The following TEAD2 variants were observed in gnomAD, a reference collection of about 807,000 sequenced individuals.
TEAD2 encodes the protein TEA domain transcription factor 2, also known as transcriptional enhancer factor TEF-4.
In TEAD2, 51 loss-of-function variants were observed where a neutral mutation model predicts 61.4. The observed-to-expected ratio is 0.83, with a 90% CI of 0.66 to 1.05. The LOEUF (loss-of-function observed/expected upper bound fraction) is 1.05. TEAD2 is among the 50% of genes least tolerant of loss of function. TEAD2 has a pLI of 0.00. For missense variants in TEAD2, 509 were observed against 600.0 expected (o/e 0.85, Z 1.58); for synonymous variants, 244 against 243.2 (o/e 1.00, Z -0.03).
chr19:49,355,499 G>A, intron 5 of TEAD2, 80 bp from the exon 6 acceptor site: 1 of 1,235,726 alleles, frequency 8.1e-7, no homozygotes, highest in Admixed American at 1.9e-5. Context: ...AGGGTGGGGT[G>A]AAGACGGGGA....
At chr19:49,342,343 T>C (rs1971346280) in intron 12 of TEAD2, 95 bp downstream of exon 12, 3 of 1,501,988 alleles carry the variant, frequency 2.0e-6, no homozygotes, top group Non-Finnish European at 2.7e-6. Context: ...GCTGTGTCAG[T>C]TCCTGGGTGA....
At chr19:49,348,945 CTAAA>C in intron 8 of TEAD2, 100 bp from the exon 9 acceptor site, 1 of 1,397,760 alleles carries the variant, frequency 7.2e-7, no homozygotes, top group South Asian at 1.6e-5. Flanking sequence ...GCTGAAAAAG[CTAAA>C]TACTCACTTT....
At chr19:49,352,324 T>C (rs2146472400) in intron 7 of TEAD2, among the ~76,000 whole-genome samples, 2 of 152,298 alleles carry the variant, frequency 1.3e-5, no homozygotes, top group African/African-American at 4.8e-5. Context: ...TAATTTTATT[T>C]AATTTTAATT....
rs761306860 is a variant in TEAD2 at position 49,357,299 on chromosome 19, G to C, written c.313C>G (p.Gln105Glu). ...RTRKQVSSHI[Q>E]VLARRKSREI... Reference sequence around the variant, plus strand: ...CTTGATTTCCTTCGGGCCAAAACCTGGATGTGACTAGAAACCTGGAAGGAT... The same window carrying C: ...CTTGATTTCCTTCGGGCCAAAACCTCGATGTGACTAGAAACCTGGAAGGAT... Residue 105 changes from glutamine to glutamate, a missense_variant, in exon 4 of 13, where the codon CAG becomes GAG. By Grantham distance (29) the Gln-to-Glu change is conservative. Coordinates refer to ENST00000593945, the MANE Select transcript of TEAD2 (RefSeq NM_001256660.2). The C allele has an allele frequency of 6.2e-7, 1 of 1,613,558 alleles. No individual in the cohort carries two copies. The highest frequency in any genetic ancestry group is 1.1e-5 in the South Asian group (1 of 91,022).
At position 49,355,181 on chromosome 19, in the gene TEAD2, G is replaced by C; in HGVS notation, c.506C>G (p.Ser169Cys). 1 of 1,612,316 alleles carries C rather than the reference G, an allele frequency of 6.2e-7. No individual in the cohort carries two copies. The highest frequency in any genetic ancestry group is 8.5e-7 in the Non-Finnish European group (1 of 1,179,122). The change falls in exon 7 of 13, where the codon TCT becomes TGT. Residue 169 changes from serine (S) to cysteine (C), a missense_variant. Coordinates refer to ENST00000593945, the MANE Select transcript of TEAD2 (RefSeq NM_001256660.2). ...PQASELFQFW[S>C]GGSGPPWNVP... ...ATTCCAGGGGGGCCCAGATCCTCCA[G>C]ACCAAAACTGGAAAAGCTCAGAGGC...
Position 49,359,886 on chromosome 19 carries a change from C to T in TEAD2, c.190G>A (p.Gly64Ser), listed in dbSNP as rs376617930. Residue 64 changes from glycine (G) to serine (S), a missense_variant, in exon 2 of 13, where the codon GGC becomes AGC. Coordinates refer to ENST00000593945, the MANE Select transcript of TEAD2 (RefSeq NM_001256660.2). The surrounding 1 kb of genome is among the most constrained non-coding windows in gnomAD (Gnocchi z 4.1). ...TCAGACAAAATTATTTTCCGGCGGCCGCAGGGTGGATAGATGGCCAGGGCC... is the reference window on the plus strand; with the variant it reads ...TCAGACAAAATTATTTTCCGGCGGCTGCAGGGTGGATAGATGGCCAGGGCC... ...QEALAIYPPC[G>S]RRKIILSDEG... 62 of 1,613,646 alleles carry T rather than the reference C, an allele frequency of 3.8e-5. No individual in the cohort carries two copies. Among genetic ancestry groups the T allele is most frequent in the Non-Finnish European group, 5.2e-5 (61 of 1,180,032 alleles).
chr19:49,362,317 AC>A lies in TEAD2; in HGVS notation c.-7+15del, dbSNP rs1284441777. 3 of 151,640 alleles carry A rather than the reference AC, an allele frequency of 2.0e-5. No individual in the cohort carries two copies. Among genetic ancestry groups the A allele is most frequent in the Non-Finnish European group, 4.4e-5 (3 of 67,994 alleles). The allele number at this position is 151,640 out of a possible 1,614,324, so 9.4% of individuals were successfully genotyped here. ...CTCACCTCCTAAGAAGCAACTCCCC[AC>A]CCCAACTCACACACCCCAAAGCAGG... On this transcript the variant is annotated intron_variant, in intron 1 of 12. Transcript: ENST00000593945.
chr19:49,342,345 C>G, intron 12 of TEAD2, 93 bp downstream of exon 12: 1 of 1,507,710 alleles, frequency 6.6e-7, no homozygotes, highest in South Asian at 1.2e-5. Flanking sequence ...TGTGTCAGTT[C>G]CTGGGTGAGG....
At chr19:49,352,084 G>C (rs541379021) in intron 7 of TEAD2, among the ~76,000 whole-genome samples, 2 of 138,162 alleles carry the variant, frequency 1.4e-5, no homozygotes, top group South Asian at 4.8e-4. Context: ...AGGCTGAGGG[G>C]TTGGGAGGGT....
chr19:49,345,699 A>G (rs953108383), intron 10 of TEAD2, among the ~76,000 whole-genome samples: 3 of 152,050 alleles, frequency 2.0e-5, no homozygotes, highest in African/African-American at 7.2e-5. Context: ...CTTTGTTACT[A>G]TAAGAACTAG....
At chr19:49,351,426 T>C (rs1972017368) in intron 7 of TEAD2, 61 bp from the exon 8 acceptor site, 3 of 1,498,994 alleles carry the variant, frequency 2.0e-6, no homozygotes, top group South Asian at 1.2e-5. Flanking sequence ...CACCAGCAAA[T>C]GTTTACTGAG....
chr19:49,356,255 C>T (rs1036212217), intron 4 of TEAD2: 11 of 328,710 alleles, frequency 3.3e-5, no homozygotes, highest in Middle Eastern at 7.9e-4. Flanking sequence ...TCAGAGCCAG[C>T]GGGAAGACAA....
At chr19:49,344,990 C>T (rs915075983) in intron 10 of TEAD2, among the ~76,000 whole-genome samples, 13 of 152,162 alleles carry the variant, frequency 8.5e-5, no homozygotes, top group African/African-American at 3.1e-4. Context: ...GTGCCAGGTC[C>T]GTCTTCTCAG....
intron 5 of TEAD2, 142 bp downstream of exon 5, chr19:49,355,817 C>T: frequency 1.4e-6 from 1 of 726,490 alleles, no homozygotes; most frequent in Non-Finnish European, 2.0e-6. Flanking sequence ...CAGAGCAAGA[C>T]CCTGTCTCCA....
At chr19:49,357,455 G>T (rs1222819705) in intron 3 of TEAD2, 141 bp from the exon 4 acceptor site, 1 of 879,024 alleles carries the variant, frequency 1.1e-6, no homozygotes, top group Non-Finnish European at 1.8e-6. Context: ...GCCATCTCGG[G>T]AGCACCCGAA....
chr19:49,346,756 G>T (rs2146356262), intron 10 of TEAD2, among the ~76,000 whole-genome samples: 1 of 152,320 alleles, frequency 6.6e-6, no homozygotes, highest in East Asian at 1.9e-4. Context: ...CTAGCAACAA[G>T]GTCTGGTGAA....
chr19:49,356,993 G>A (rs377463764), intron 4 of TEAD2, among the ~76,000 whole-genome samples: 3 of 147,684 alleles, frequency 2.0e-5, no homozygotes, highest in East Asian at 4.0e-4. Flanking sequence ...TCTGTCTATG[G>A]GTCTCTGTCC....
rs1971491106 is a variant in TEAD2, at chr19:49,344,257, G to C, written c.922-859C>G. On this transcript the variant is annotated intron_variant, in intron 10 of 12. Coordinates refer to ENST00000593945, the MANE Select transcript of TEAD2 (RefSeq NM_001256660.2). Reference sequence around the variant, plus strand: ...CCCTGTCTCCCCAGTAACCAAAGGAGCCCTGGAATTCAATTTCAACCTTTT... The same window carrying C: ...CCCTGTCTCCCCAGTAACCAAAGGACCCCTGGAATTCAATTTCAACCTTTT... Among the ~76,000 whole-genome samples, 3 of 151,814 alleles carry C rather than the reference G, an allele frequency of 2.0e-5. No homozygotes were observed. The South Asian group carries it at 6.2e-4, about 32-fold the overall frequency.
Position 49,348,703 on chromosome 19 carries a change from A to C in TEAD2, c.747T>G (p.Ser249=). 1 of 1,614,074 alleles carries C rather than the reference A, an allele frequency of 6.2e-7. No homozygotes were observed. The highest frequency in any genetic ancestry group is 8.5e-7 in the Non-Finnish European group (1 of 1,179,960). ...GCGACTGTACCAAAATTTCACTCAC[A>C]GAATCAACTGCATCTGGCGGTTCCA... ...AFVEPPDAVD[S]YQRHLFVHIS... Residue 249 remains serine, a splice_region_variant and synonymous_variant, in exon 9 of 13, where the codon TCT becomes TCG. Coordinates refer to ENST00000593945, the MANE Select transcript of TEAD2 (RefSeq NM_001256660.2).
Sources: allele counts gnomAD v4.1 joint callset (sites outside exome capture counted in the v4.1 genomes callset), GRCh38; gene constraint gnomAD v4.1.1; non-coding constraint Gnocchi (gnomAD v3.1); transcripts MANE v1.5; gene names NCBI Gene and HGNC (gene_info 2026-07-23, HGNC 2026-07-21).